Variants in ST6GALNAC3 observed in about 807,000 individuals in gnomAD.
ST6GALNAC3 encodes ST6 N-acetylgalactosaminide alpha-2,6-sialyltransferase 3.
In ST6GALNAC3, 25 loss-of-function variants were observed where a neutral mutation model predicts 32.7. The observed-to-expected ratio is 0.76, with a 90% CI of 0.56 to 1.07. The LOEUF is 1.07. Among genes scored for constraint, ST6GALNAC3 ranks in the 50% least tolerant of loss-of-function variants. The pLI is 0.00. For missense variants in ST6GALNAC3, 355 were observed against 382.4 expected (o/e 0.93, Z 0.60); for synonymous variants, 129 against 133.1 (o/e 0.97, Z 0.21).
At chr1:76,514,038 T>C (rs1662028176) in intron 3 of ST6GALNAC3, among the ~76,000 whole-genome samples, 1 of 152,204 alleles carries the variant, frequency 6.6e-6, no homozygotes, top group Non-Finnish European at 1.5e-5. Flanking sequence ...AATTCATTTA[T>C]TAGTTTTAAC....
At chr1:76,263,156 A>G (rs920660241) in intron 1 of ST6GALNAC3, among the ~76,000 whole-genome samples, 1 of 152,150 alleles carries the variant, frequency 6.6e-6, no homozygotes, top group African/African-American at 2.4e-5. Flanking sequence ...TAGAGATTAT[A>G]GTTCAAGTCC....
At chr1:76,252,802 G>C (rs1316371196) in intron 1 of ST6GALNAC3, among the ~76,000 whole-genome samples, 2 of 152,138 alleles carry the variant, frequency 1.3e-5, no homozygotes, top group African/African-American at 2.4e-5. Context: ...AAGCCGCTCT[G>C]TGATAGCATT....
chr1:76,143,487 C>CA (rs1650475800), intron 1 of ST6GALNAC3, among the ~76,000 whole-genome samples: 1 of 151,656 alleles, frequency 6.6e-6, no homozygotes, highest in African/African-American at 2.4e-5. Flanking sequence ...GACAAGCTTA[C>CA]AGCCCCCATT....
chr1:76,237,537 A>G (rs1656727620), intron 1 of ST6GALNAC3, among the ~76,000 whole-genome samples: 1 of 152,216 alleles, frequency 6.6e-6, no homozygotes, highest in Admixed American at 6.5e-5. Flanking sequence ...ATATCAAGCC[A>G]TGCCTGATTT....
Position 76,089,759 on chromosome 1 carries a change from T to C in ST6GALNAC3, c.18+14875T>C, listed in dbSNP as rs117478853. Among the ~76,000 whole-genome samples, 15 of 152,268 alleles carry C rather than the reference T, an allele frequency of 9.9e-5. 1 individual carries two copies. In the East Asian group the frequency reaches 2.3e-3, roughly 24 times the overall value. On this transcript the variant is annotated intron_variant, in intron 1 of 4. Transcript: ENST00000328299. ...TATTGCCCTTAAGGAGGATGCTAGG[T>C]GGTCCTTCCCTCAGAGTCACTATAT...
At position 76,461,099 on chromosome 1, in the gene ST6GALNAC3, T is replaced by C. The variant is rs530957089; in HGVS notation, c.623+48682T>C. Among the ~76,000 whole-genome samples the C allele has an allele frequency of 7.4e-4, 113 of 152,302 alleles. 3 individuals are homozygous for C. In the South Asian group the frequency reaches 0.023, roughly 31 times the overall value. The stretch of plus-strand genomic sequence containing the variant: ...AACTTAGAAAAGCCTGAGGCAGAAA[T>C]GGAATCCTGGGAGTGCAGATTGGTC... On this transcript the variant is annotated intron_variant, in intron 3 of 4. Coordinates refer to ENST00000328299, the MANE Select transcript of ST6GALNAC3 (RefSeq NM_152996.4).
At chr1:76,520,471 C>CACACACAT (rs1425730373) in intron 3 of ST6GALNAC3, among the ~76,000 whole-genome samples, 3 of 152,084 alleles carry the variant, frequency 2.0e-5, no homozygotes, top group South Asian at 2.1e-4. Flanking sequence ...ACATACCATA[C>CACACACAT]ACACACATAC....
intron 2 of ST6GALNAC3, among the ~76,000 whole-genome samples, chr1:76,338,335 A>T (rs921294726): frequency 1.3e-5 from 2 of 152,128 alleles, no homozygotes; most frequent in African/African-American, 4.8e-5. Flanking sequence ...TGCCAGCAGG[A>T]TGGGGAAGCA....
At chr1:76,156,428 T>G (rs1319580944) in intron 1 of ST6GALNAC3, among the ~76,000 whole-genome samples, 1 of 152,188 alleles carries the variant, frequency 6.6e-6, no homozygotes, top group Non-Finnish European at 1.5e-5. Flanking sequence ...AGAAAATTTC[T>G]CTCTTCTTCC....
At chr1:76,288,115 C>T (rs1275796477) in intron 1 of ST6GALNAC3, among the ~76,000 whole-genome samples, 1 of 152,174 alleles carries the variant, frequency 6.6e-6, no homozygotes. Context: ...CTTCTGCTTA[C>T]CAGGATTTTA....
chr1:76,450,181 A>T (rs1375545317), intron 3 of ST6GALNAC3, among the ~76,000 whole-genome samples: 1 of 152,160 alleles, frequency 6.6e-6, no homozygotes, highest in Non-Finnish European at 1.5e-5. Flanking sequence ...ACTAATTTAC[A>T]TTCCCACCAG....
At chr1:76,348,389 T>G (rs1648694380) in intron 2 of ST6GALNAC3, among the ~76,000 whole-genome samples, 1 of 152,160 alleles carries the variant, frequency 6.6e-6, no homozygotes, top group Admixed American at 6.6e-5. Context: ...TGAGAATTGA[T>G]GTGGAAAAGG....
chr1:76,113,857 G>A (rs1423762292), intron 1 of ST6GALNAC3, among the ~76,000 whole-genome samples: 2 of 151,248 alleles, frequency 1.3e-5, no homozygotes, highest in South Asian at 2.1e-4. Flanking sequence ...ATGGAGTTTC[G>A]CTCTTGTCAC....
intron 1 of ST6GALNAC3, among the ~76,000 whole-genome samples, chr1:76,107,851 C>G (rs1267278398): frequency 1.3e-5 from 2 of 152,142 alleles, no homozygotes; most frequent in South Asian, 4.1e-4. Context: ...TTTTTTGGCC[C>G]ATTTTTGCTC....
At chr1:76,235,774 G>A (rs963533033) in intron 1 of ST6GALNAC3, among the ~76,000 whole-genome samples, 1 of 147,366 alleles carries the variant, frequency 6.8e-6, no homozygotes, top group African/African-American at 2.5e-5. Context: ...ATCCGAGATC[G>A]AAGTGTCACA....
intron 3 of ST6GALNAC3, among the ~76,000 whole-genome samples, chr1:76,464,648 A>G (rs1283545025): frequency 6.6e-6 from 1 of 152,376 alleles, no homozygotes; most frequent in Admixed American, 6.5e-5. Context: ...GCAATAGCTG[A>G]GTAAGTGGTC....
intron 2 of ST6GALNAC3, among the ~76,000 whole-genome samples, chr1:76,335,424 A>G (rs1319139700): frequency 8.9e-6 from 1 of 111,780 alleles, no homozygotes; most frequent in Non-Finnish European, 1.8e-5. Context: ...TGATCTCATC[A>G]CAGGGAACAC....
rs1649344515 is a variant in ST6GALNAC3, at chr1:76,632,440, C to T, written c.*3634C>T. The T allele has an allele frequency of 6.6e-6, 1 of 152,158 alleles. No homozygotes were observed. Among genetic ancestry groups the T allele is most frequent in the South Asian group, 2.1e-4 (1 of 4,828 alleles). 9.4% of individuals were successfully genotyped at this position (152,158 alleles called of 1,614,324 possible). A position where few individuals can be genotyped will look rare whatever the true frequency, so the allele number is the denominator to read the frequency against. Reference sequence around the variant, plus strand: ...AAAACATTGCATCAAGCTTCATTCACACTGAAGTAAATGAACATTGGTCCT... The same window carrying T: ...AAAACATTGCATCAAGCTTCATTCATACTGAAGTAAATGAACATTGGTCCT... On this transcript the variant is annotated 3_prime_UTR_variant, in exon 5 of 5. Transcript: ENST00000328299.
At chr1:76,546,244 TACTC>T (rs1222908365) in intron 3 of ST6GALNAC3, among the ~76,000 whole-genome samples, 1 of 152,198 alleles carries the variant, frequency 6.6e-6, no homozygotes, top group Non-Finnish European at 1.5e-5. Flanking sequence ...CCTAGCATAA[TACTC>T]AATAAGTATT....
Sources: gnomAD v4.1 joint callset for allele counts (sites outside exome capture counted in the v4.1 genomes callset) on GRCh38, gnomAD v4.1.1 for gene constraint, MANE v1.5 for transcripts, NCBI Gene and HGNC (gene_info 2026-07-23, HGNC 2026-07-21) for gene names.